MYRFL: variants seen among roughly 807,000 people sequenced by gnomAD.
MYRFL encodes myelin regulatory factor like.
In MYRFL, 88 loss-of-function variants were observed where a neutral mutation model predicts 109.4. The ratio of observed to expected loss-of-function variants is 0.80; its 90% confidence interval spans 0.68 to 0.96. The LOEUF (loss-of-function observed/expected upper bound fraction) is 0.96. Among genes scored for constraint, MYRFL ranks in the 40% least tolerant of loss-of-function variants. The pLI, the probability that MYRFL is intolerant of heterozygous loss-of-function variation, is 0.00. For synonymous variants in MYRFL, 324 were observed against 320.9 expected, an observed-to-expected ratio of 1.01 and a Z score of -0.10; for missense variants, 957 against 954.9, an observed-to-expected ratio of 1.00 and a Z score of -0.03.
At chr12:69,862,166 T>C (rs1884721180) in intron 2 of MYRFL, among the ~76,000 whole-genome samples, 1 of 151,384 alleles carries the variant, frequency 6.6e-6, no homozygotes, top group African/African-American at 2.4e-5. Context: ...GTAGTATAGT[T>C]TGAAGTCAGG....
At chr12:69,892,636 A>T (rs1459334979) in intron 7 of MYRFL, among the ~76,000 whole-genome samples, 1 of 152,234 alleles carries the variant, frequency 6.6e-6, no homozygotes, top group African/African-American at 2.4e-5. Context: ...TGCTGCACAC[A>T]TAACTGTTCT....
chr12:69,927,417 T>TG (rs1314277250), intron 14 of MYRFL, among the ~76,000 whole-genome samples: 2 of 151,816 alleles, frequency 1.3e-5, no homozygotes, highest in Admixed American at 6.6e-5. Flanking sequence ...TTCTGTTATT[T>TG]TTTTTTTAAT....
Position 69,958,429 on chromosome 12 carries a change from TCTCC to T in MYRFL, c.2647-15_2647-12del. The T allele has an allele frequency of 1.3e-6, 2 of 1,502,206 alleles. No homozygotes were observed. The highest frequency in any genetic ancestry group is 2.1e-5 in the Admixed American group (1 of 46,650). The allele number at this position is 1,502,206 out of a possible 1,614,324, so 93.1% of individuals were successfully genotyped here. ...TTACATTAATCTTCCTTTTTTTTTT[TCTCC>T]TTTTCTGACAGGATTTAGCTGACTG... On this transcript the variant is annotated splice_polypyrimidine_tract_variant and intron_variant, in intron 24 of 24. Coordinates refer to ENST00000552032, the MANE Select transcript of MYRFL (RefSeq NM_182530.3).
chr12:69,910,633 CAAAAAAAAAAAAAAAA>C (rs5798959), intron 12 of MYRFL, among the ~76,000 whole-genome samples, 172 bp from the exon 13 acceptor site: 1 of 125,444 alleles, frequency 8.0e-6, no homozygotes, highest in African/African-American at 2.8e-5. Flanking sequence ...CCCAGAGTCT[CAAAAAAAAAAAAAAAA>C]AAGGAAAAGA....
chr12:69,901,395 C>T (rs560700235), intron 10 of MYRFL, among the ~76,000 whole-genome samples: 1 of 152,164 alleles, frequency 6.6e-6, no homozygotes, highest in Non-Finnish European at 1.5e-5. Context: ...GGAATTCTCC[C>T]TAGGGCTATA....
rs1253270057 is a variant in MYRFL at position 69,895,406 on chromosome 12, C to T, written c.1016C>T (p.Thr339Ile). Residue 339 changes from threonine to isoleucine, a missense_variant, in exon 9 of 25, where the codon ACA becomes ATA. Coordinates refer to ENST00000552032, the MANE Select transcript of MYRFL (RefSeq NM_182530.3). ...CTGGCTGACCAGGTCACCAAAGTAACACTGGGACGATTACACTTCAGCGAA... is the reference window on the plus strand; with the variant it reads ...CTGGCTGACCAGGTCACCAAAGTAATACTGGGACGATTACACTTCAGCGAA... ...DLLADQVTKVTLGRLHFSETT... is the reference protein window; with the variant it reads ...DLLADQVTKVILGRLHFSETT... 1.3e-6 allele frequency: 2 copies of T among 1,534,784 alleles called. No individual in the cohort carries two copies. The highest frequency in any genetic ancestry group is 2.7e-5 in the African/African-American group (2 of 72,770).
chr12:69,954,301 T>C (rs982218113), intron 21 of MYRFL, among the ~76,000 whole-genome samples: 2 of 152,208 alleles, frequency 1.3e-5, no homozygotes, highest in South Asian at 2.1e-4. Context: ...ATGCAGATAA[T>C]GGGAGAGACA....
chr12:69,891,626 C>T (rs1365141895), intron 7 of MYRFL, among the ~76,000 whole-genome samples: 926 of 17,412 alleles, frequency 0.053, 10 homozygotes, highest in Non-Finnish European at 0.065. Flanking sequence ...TTTCTTTCCT[C>T]CTTCCTTTCT....
At chr12:69,839,947 G>A (rs1883150425) in intron 1 of MYRFL, among the ~76,000 whole-genome samples, 1 of 152,068 alleles carries the variant, frequency 6.6e-6, no homozygotes, top group African/African-American at 2.4e-5. Flanking sequence ...TCCTAGTTCT[G>A]TACTCAATAC....
At chr12:69,949,347 A>G (rs1955916718) in intron 19 of MYRFL, among the ~76,000 whole-genome samples, 1 of 152,220 alleles carries the variant, frequency 6.6e-6, no homozygotes, top group African/African-American at 2.4e-5. Context: ...AAAAAGATAC[A>G]TTAAAAATAT....
At chr12:69,941,724 C>CA (rs1168434700) in intron 19 of MYRFL, among the ~76,000 whole-genome samples, 131 of 147,410 alleles carry the variant, frequency 8.9e-4, no homozygotes, top group African/African-American at 3.2e-3. Context: ...AAAAACCCTT[C>CA]AAAAAATTAA....
At chr12:69,836,261 C>T (rs938655216) in intron 1 of MYRFL, among the ~76,000 whole-genome samples, 1 of 152,174 alleles carries the variant, frequency 6.6e-6, no homozygotes, top group Non-Finnish European at 1.5e-5. Flanking sequence ...TCCTCTTGCC[C>T]TCCAGCTGCT....
chr12:69,929,306 A>G (rs1955197281), intron 15 of MYRFL, among the ~76,000 whole-genome samples: 1 of 152,180 alleles, frequency 6.6e-6, no homozygotes, highest in Non-Finnish European at 1.5e-5. Flanking sequence ...GGGAGGCAGA[A>G]AGGATGAGTC....
At chr12:69,940,392 A>G (rs906842550) in intron 19 of MYRFL, among the ~76,000 whole-genome samples, 2 of 150,924 alleles carry the variant, frequency 1.3e-5, no homozygotes, top group African/African-American at 4.9e-5. Flanking sequence ...AGTGGGGGCC[A>G]ATATTCAACA....
chr12:69,935,012 C>T (rs1274191407), intron 16 of MYRFL, among the ~76,000 whole-genome samples: 6 of 152,176 alleles, frequency 3.9e-5, no homozygotes, highest in African/African-American at 1.4e-4. Flanking sequence ...TCTCTGCCTC[C>T]TGCCTCTATT....
chr12:69,887,230 C>T (rs1486116961), intron 6 of MYRFL, among the ~76,000 whole-genome samples: 1 of 152,208 alleles, frequency 6.6e-6, no homozygotes, highest in Admixed American at 6.5e-5. Context: ...AGGAATCTTT[C>T]TGGGATCACA....
intron 19 of MYRFL, among the ~76,000 whole-genome samples, chr12:69,943,214 C>T (rs182833190): frequency 5.9e-5 from 9 of 151,604 alleles, no homozygotes; most frequent in East Asian, 1.9e-4. Context: ...AAAAACAGCC[C>T]GCATCGCCAA....
intron 13 of MYRFL, among the ~76,000 whole-genome samples, chr12:69,914,886 C>T (rs1391493271): frequency 6.6e-6 from 1 of 152,140 alleles, no homozygotes; most frequent in Non-Finnish European, 1.5e-5. Context: ...GTGATGCAAT[C>T]TATGGAGATG....
intron 19 of MYRFL, 71 bp downstream of exon 19, chr12:69,936,703 A>C: frequency 1.5e-6 from 2 of 1,353,302 alleles, no homozygotes; most frequent in Non-Finnish European, 2.0e-6. Flanking sequence ...CAATTTACTT[A>C]GATGGTCATT....
Sources: allele counts gnomAD v4.1 joint callset (sites outside exome capture counted in the v4.1 genomes callset), GRCh38; gene constraint gnomAD v4.1.1; transcripts MANE v1.5; gene names NCBI Gene and HGNC (gene_info 2026-07-23, HGNC 2026-07-21).